The following ZNF469 variants were observed in gnomAD, a reference collection of about 807,000 sequenced individuals.
ZNF469 encodes the protein zinc finger protein 469.
Under a neutral mutation model 1.0 loss-of-function variants are expected in ZNF469, and 1 was observed. That is an observed-to-expected ratio of 1.00 (90% confidence interval 0.35 to 4.73). The LOEUF (loss-of-function observed/expected upper bound fraction) is 4.73, where lower values mean the gene tolerates loss of function less well. ZNF469 is among the 30% of genes most tolerant of loss of function. The pLI, the probability that ZNF469 is intolerant of heterozygous loss-of-function variation, is 0.16. For missense variants in ZNF469, 6,100 were observed against 5,356.3 expected, an observed-to-expected ratio of 1.14 and a Z score of -4.33; for synonymous variants, 2,703 against 2,363.4, an observed-to-expected ratio of 1.14 and a Z score of -4.17.
Position 88,413,909 on chromosome 16 carries a change from C to T in ZNF469, c.-191-10898C>T, listed in dbSNP as rs538960783. 6.6e-5 allele frequency among the ~76,000 whole-genome samples: 10 copies of T among 152,306 alleles called. No individual in the cohort carries two copies. In the East Asian group the frequency reaches 1.5e-3, roughly 24 times the overall value. On this transcript the variant is annotated intron_variant, in intron 1 of 2. Coordinates refer to ENST00000565624, the MANE Select transcript of ZNF469 (RefSeq NM_001367624.2). Reference sequence around the variant, plus strand: ...TGGAGGCAGGTGCCATGGAAGCAGGCGCTATGGTGGCACTTAGAGACAGTG... The same window carrying T: ...TGGAGGCAGGTGCCATGGAAGCAGGTGCTATGGTGGCACTTAGAGACAGTG...
chr16:88,433,808 G>A lies in ZNF469; in HGVS notation c.6338G>A (p.Cys2113Tyr). 6.5e-7 allele frequency: 1 copy of A among 1,549,778 alleles called. No homozygotes were observed. Among genetic ancestry groups the A allele is most frequent in the East Asian group, 2.4e-5 (1 of 40,904 alleles). ...CCCTCTGTCGGGGACCTGGCCGCCT[G>A]CGCCCCCTCACCCACTTCAGCCGCC... ...PAPSVGDLAACAPSPTSAAHM... is the reference protein window; with the variant it reads ...PAPSVGDLAAYAPSPTSAAHM... Residue 2113 changes from cysteine (C) to tyrosine (Y), a missense_variant, in exon 3 of 3, where the codon TGC becomes TAC. Physicochemically the swap from Cys to Tyr is radical, Grantham distance 194. Coordinates refer to ENST00000565624, the MANE Select transcript of ZNF469 (RefSeq NM_001367624.2).
the ZNF469 span, among the ~76,000 whole-genome samples, chr16:88,314,773 C>G: frequency 7.8e-3 from 1,120 of 143,524 alleles, 19 homozygotes; most frequent in African/African-American, 0.028. Flanking sequence ...TGGGCTATCT[C>G]TGTAATTAAG....
chr16:88,210,895 GT>G, the ZNF469 span, among the ~76,000 whole-genome samples: 1 of 152,226 alleles, frequency 6.6e-6, no homozygotes, highest in Non-Finnish European at 1.5e-5. Context: ...GTGCTAACGT[GT>G]TTATTTTTCA....
chr16:88,364,812 A>G, the ZNF469 span, among the ~76,000 whole-genome samples: 2 of 152,118 alleles, frequency 1.3e-5, no homozygotes, highest in African/African-American at 2.4e-5. Context: ...AAAAAATACA[A>G]AAATAAACTG....
upstream of ZNF469, among the ~76,000 whole-genome samples, chr16:88,378,092 T>A (rs1379689100): frequency 6.6e-6 from 1 of 152,048 alleles, no homozygotes; most frequent in Non-Finnish European, 1.5e-5. Flanking sequence ...TCCCCCCAGT[T>A]CACCGCCAGG....
At chr16:88,345,243 A>G in the ZNF469 span, among the ~76,000 whole-genome samples, 6 of 152,224 alleles carry the variant, frequency 3.9e-5, no homozygotes, top group Non-Finnish European at 7.3e-5. Context: ...GCATGGCGCC[A>G]TCCACGCACA....
the ZNF469 span, among the ~76,000 whole-genome samples, chr16:88,254,402 A>G: frequency 6.6e-6 from 1 of 152,142 alleles, no homozygotes; most frequent in Non-Finnish European, 1.5e-5. Context: ...TGATTATTGT[A>G]TATTTATAGT....
rs1231728006 is a variant in ZNF469, at chr16:88,428,837, T to G, written c.1367T>G (p.Leu456Arg). The change falls in exon 3 of 3, where the codon CTG (leucine) becomes CGG (arginine). Residue 456 changes from leucine to arginine, a missense_variant. By Grantham distance (102) the Leu-to-Arg change is moderately radical (BLOSUM62 -2). Transcript: ENST00000565624. ...TACCCCACACCTCCTGGGGGCCCCCTGGCTGCCACCAGGAGTATGTTCTTT... is the reference window on the plus strand; with the variant it reads ...TACCCCACACCTCCTGGGGGCCCCCGGGCTGCCACCAGGAGTATGTTCTTT... ...APYPTPPGGP[L>R]AATRSMFFNG... 1.3e-6 allele frequency: 2 copies of G among 1,547,894 alleles called. No homozygotes were observed. Among genetic ancestry groups the G allele is most frequent in the Admixed American group, 3.9e-5 (2 of 50,956 alleles).
At chr16:88,277,568 G>C in the ZNF469 span, among the ~76,000 whole-genome samples, 1 of 151,326 alleles carries the variant, frequency 6.6e-6, no homozygotes, top group South Asian at 2.1e-4. Flanking sequence ...GTACCGTGTA[G>C]ATATCAGGGC....
At chr16:88,305,924 A>C in the ZNF469 span, among the ~76,000 whole-genome samples, 2 of 152,038 alleles carry the variant, frequency 1.3e-5, no homozygotes, top group South Asian at 4.1e-4. Context: ...ATTCTCATGC[A>C]CTCACACACT....
chr16:88,355,851 A>G, the ZNF469 span, among the ~76,000 whole-genome samples: 1 of 152,198 alleles, frequency 6.6e-6, no homozygotes, highest in African/African-American at 2.4e-5. Context: ...GGGGAGGACC[A>G]AGACCACACT....
chr16:88,327,488 A>G, the ZNF469 span, among the ~76,000 whole-genome samples: 30,486 of 151,854 alleles, frequency 0.2, 4,118 homozygotes, highest in Middle Eastern at 0.36. Context: ...AAATGTTCTC[A>G]TCTGCGGTTC....
At chr16:88,206,576 A>G in the ZNF469 span, among the ~76,000 whole-genome samples, 1 of 151,900 alleles carries the variant, frequency 6.6e-6, no homozygotes, top group South Asian at 2.1e-4. Context: ...AAACAAACAA[A>G]CAAACAAAAC....
the ZNF469 span, among the ~76,000 whole-genome samples, chr16:88,161,917 A>G: frequency 1.7e-3 from 261 of 152,294 alleles, 2 homozygotes; most frequent in East Asian, 0.011. Context: ...GGATATATTT[A>G]TATTCTGGAC....
chr16:88,306,590 C>T, the ZNF469 span, among the ~76,000 whole-genome samples: 2 of 152,218 alleles, frequency 1.3e-5, no homozygotes, highest in African/African-American at 4.8e-5. Flanking sequence ...CCAGCACCAA[C>T]AGCCTGAAGC....
chr16:88,120,456 G>GCCCCA, the ZNF469 span, among the ~76,000 whole-genome samples: 2 of 152,384 alleles, frequency 1.3e-5, no homozygotes, highest in African/African-American at 4.8e-5. Context: ...GAGATGGCGC[G>GCCCCA]CCCCACCTCG....
In ZNF469 at chr16:88,436,914, C is replaced by T. The variant is rs1199858496; in HGVS notation, c.9444C>T (p.Cys3148=). Residue 3148 remains cysteine (C), a synonymous_variant, in exon 3 of 3, where the codon TGC becomes TGT. Coordinates refer to ENST00000565624, the MANE Select transcript of ZNF469 (RefSeq NM_001367624.2). The part of the protein sequence containing the change: ...TPAPPPTCYM[C]VERRFGSREL... ...CGCCGCCGCCCACCTGCTACATGTG[C>T]GTGGAGCGCAGGTTTGGCTCGCGGG... The T allele has an allele frequency of 2.7e-5, 40 of 1,500,098 alleles. No individual in the cohort carries two copies. Among genetic ancestry groups the T allele is most frequent in the Non-Finnish European group, 3.5e-5 (39 of 1,126,284 alleles). The allele number at this position is 1,500,098 out of a possible 1,614,324, so 92.9% of individuals were successfully genotyped here.
At chr16:88,305,582 GCA>G in the ZNF469 span, among the ~76,000 whole-genome samples, 4 of 108,518 alleles carry the variant, frequency 3.7e-5, no homozygotes, top group Admixed American at 1.9e-4. Flanking sequence ...ACGCTCACAG[GCA>G]CACACGCACA....
the ZNF469 span, among the ~76,000 whole-genome samples, chr16:88,291,692 C>G: frequency 6.6e-6 from 1 of 151,862 alleles, no homozygotes; most frequent in Admixed American, 6.6e-5. Flanking sequence ...GAGCCCCGTG[C>G]GGAAGCACTT....
Sources: gnomAD v4.1 joint callset for allele counts (sites outside exome capture counted in the v4.1 genomes callset) on GRCh38, gnomAD v4.1.1 for gene constraint, MANE v1.5 for transcripts, NCBI Gene and HGNC (gene_info 2026-07-23, HGNC 2026-07-21) for gene names.